PCBP2: variants seen among roughly 807,000 people sequenced by gnomAD.
PCBP2 encodes poly(rC)-binding protein 2.
In PCBP2, 4 loss-of-function variants were observed where a neutral mutation model predicts 50.1. The observed-to-expected ratio is 0.08, with a 90% CI of 0.04 to 0.18. The LOEUF is 0.18. Among genes scored for constraint, PCBP2 ranks in the 10% least tolerant of loss-of-function variants. The probability of loss-of-function intolerance (pLI) is 1.00; values close to 1 mark genes in which losing one functional copy is unlikely to be tolerated. For synonymous variants in PCBP2, 179 were observed against 168.0 expected (o/e 1.07, Z -0.51); for missense variants, 161 against 474.3 (o/e 0.34, Z 6.14).
chr12:53,456,072 C>G (rs569080516), intron 5 of PCBP2, 71 bp downstream of exon 5: 3 of 967,620 alleles, frequency 3.1e-6, no homozygotes, highest in South Asian at 1.3e-5. Flanking sequence ...TTTCTAAGAG[C>G]TTTTTAAATT....
chr12:53,461,317 T>C lies in PCBP2; in HGVS notation c.504+174T>C, dbSNP rs186194723. ...CTTCCCCTAGCTTTGACTTTTCTTATGGTCTGTGAGCAAAAATAGAAACTG... is the reference window on the plus strand; with the variant it reads ...CTTCCCCTAGCTTTGACTTTTCTTACGGTCTGTGAGCAAAAATAGAAACTG... On this transcript the variant is annotated intron_variant, in intron 7 of 14. Coordinates refer to ENST00000546463, the MANE Select transcript of PCBP2 (RefSeq NM_031989.5). Among the ~76,000 whole-genome samples the C allele has an allele frequency of 1.6e-3, 244 of 152,344 alleles. 1 individual carries two copies. The highest frequency in any genetic ancestry group is 5.4e-3 in the African/African-American group (224 of 41,598).
At chr12:53,471,451 G>T (rs1377535009) in intron 13 of PCBP2, among the ~76,000 whole-genome samples, 187 bp from the exon 14 acceptor site, 1 of 151,698 alleles carries the variant, frequency 6.6e-6, no homozygotes, top group Non-Finnish European at 1.5e-5. Context: ...GGTGGCATGC[G>T]CCTGTAGTCC....
chr12:53,468,161 T>C, intron 12 of PCBP2: 1 of 265,966 alleles, frequency 3.8e-6, no homozygotes. Context: ...TCTTTCTTTT[T>C]CTTTGGAAAA....
intron 7 of PCBP2, among the ~76,000 whole-genome samples, 190 bp downstream of exon 7, chr12:53,461,333 A>C (rs1010702325): frequency 6.6e-6 from 1 of 152,228 alleles, no homozygotes; most frequent in South Asian, 2.1e-4. Flanking sequence ...GTGAGCAAAA[A>C]TAGAAACTGC....
chr12:53,455,560 C>G, intron 4 of PCBP2, 67 bp downstream of exon 4: 6 of 1,532,550 alleles, frequency 3.9e-6, no homozygotes, highest in South Asian at 1.1e-5. Context: ...AGTGAAAATT[C>G]TTTTTCAGAA....
intron 11 of PCBP2, chr12:53,467,515 G>A: frequency 1.6e-6 from 1 of 627,094 alleles, no homozygotes; most frequent in Non-Finnish European, 2.8e-6. Context: ...GCCCTGGAAG[G>A]TTTGGGGGTG....
intron 14 of PCBP2, among the ~76,000 whole-genome samples, chr12:53,473,129 G>A (rs1260291763): frequency 1.3e-5 from 2 of 150,602 alleles, no homozygotes; most frequent in African/African-American, 2.5e-5. Context: ...CTGTCACCAG[G>A]CTGGAGTGCA....
At chr12:53,462,346 G>C (rs1941508182) in intron 7 of PCBP2, 147 bp from the exon 8 acceptor site, 1 of 547,626 alleles carries the variant, frequency 1.8e-6, no homozygotes, top group East Asian at 2.9e-5. Context: ...GATAAATTGA[G>C]ATTAGATCTA....
At chr12:53,454,982 G>A in intron 2 of PCBP2, 113 bp downstream of exon 2, 2 of 889,262 alleles carry the variant, frequency 2.2e-6, no homozygotes, top group Admixed American at 3.8e-5. Flanking sequence ...TCTGGCTTTA[G>A]CACATTTCCC....
At chr12:53,475,464 G>A in intron 14 of PCBP2, 3 of 270,314 alleles carry the variant, frequency 1.1e-5, no homozygotes, top group South Asian at 1.1e-4. Flanking sequence ...TTTCTTGTTT[G>A]TTACTTTTCT....
intron 8 of PCBP2, 116 bp downstream of exon 8, chr12:53,462,683 T>G: frequency 5.6e-5 from 37 of 664,202 alleles, no homozygotes; most frequent in Non-Finnish European, 8.1e-5. Flanking sequence ...ACTCTGGCCA[T>G]AGTTTGACCG....
intron 7 of PCBP2, 129 bp from the exon 8 acceptor site, chr12:53,462,364 A>G (rs949676267): frequency 3.1e-6 from 2 of 636,064 alleles, no homozygotes; most frequent in African/African-American, 1.8e-5. Context: ...CTAGCCAGAG[A>G]CAATTTGGTA....
rs1200847836 is a variant in PCBP2, at chr12:53,477,555, A to G, written c.1053-1851A>G. 6.0e-5 allele frequency among the ~76,000 whole-genome samples: 9 copies of G among 150,286 alleles called. No individual in the cohort carries two copies. In the East Asian group the frequency reaches 9.9e-4, roughly 16 times the overall value. On this transcript the variant is annotated intron_variant, in intron 14 of 14. Transcript: ENST00000546463. ...GTGGTGGGCGCCTGTAGTCCCAGCA[A>G]CTCGGGAGGCTGAGGCAGGAGAATG...
chr12:53,475,899 A>C (rs1942550948), intron 14 of PCBP2: 1 of 152,244 alleles, frequency 6.6e-6, no homozygotes, highest in Non-Finnish European at 1.5e-5. Context: ...TTACCTTGCC[A>C]GCAGCAGCTA....
At chr12:53,466,578 G>A (rs1941841173) in intron 10 of PCBP2, among the ~76,000 whole-genome samples, 1 of 152,162 alleles carries the variant, frequency 6.6e-6, no homozygotes, top group Admixed American at 6.5e-5. Flanking sequence ...CTTTTCAGGT[G>A]CTGAGCATTA....
At position 53,480,425 on chromosome 12, in the gene PCBP2, G is replaced by T. The variant is rs944254950; in HGVS notation, c.*983G>T. Reference sequence around the variant, plus strand: ...TCTCCAGACACCTCAGATAAAGTCCGGAGCCCAAGGCTTTATCTTAACCAT... The same window carrying T: ...TCTCCAGACACCTCAGATAAAGTCCTGAGCCCAAGGCTTTATCTTAACCAT... On this transcript the variant is annotated 3_prime_UTR_variant, in exon 15 of 15. Transcript: ENST00000546463. 4 of 152,408 alleles carry T rather than the reference G, an allele frequency of 2.6e-5. No homozygotes were observed. Among genetic ancestry groups the T allele is most frequent in the African/African-American group, 7.2e-5 (3 of 41,388 alleles). 9.4% of individuals were successfully genotyped at this position (152,408 alleles called of 1,614,324 possible).
intron 13 of PCBP2, among the ~76,000 whole-genome samples, chr12:53,470,998 G>A (rs759020251): frequency 2.0e-5 from 3 of 151,994 alleles, no homozygotes; most frequent in Non-Finnish European, 2.9e-5. Flanking sequence ...GCTAATACTT[G>A]GACCTAAGAG....
intron 14 of PCBP2, among the ~76,000 whole-genome samples, chr12:53,473,669 T>G (rs1019699778): frequency 2.6e-5 from 4 of 152,314 alleles, no homozygotes; most frequent in African/African-American, 9.6e-5. Flanking sequence ...GGTCAAAACT[T>G]TTCAAAGCTT....
chr12:53,459,851 C>T (rs755649183), intron 6 of PCBP2: 8 of 454,422 alleles, frequency 1.8e-5, no homozygotes, highest in African/African-American at 1.6e-4. Flanking sequence ...CATCGACCTT[C>T]CCAGCCTCAG....
Sources: allele counts gnomAD v4.1 joint callset (sites outside exome capture counted in the v4.1 genomes callset), GRCh38; gene constraint gnomAD v4.1.1; transcripts MANE v1.5; gene names NCBI Gene and HGNC (gene_info 2026-07-23, HGNC 2026-07-21).